The following CCDC88C variants were observed in gnomAD, a reference collection of about 807,000 sequenced individuals.
CCDC88C encodes the protein coiled-coil and HOOK domain protein 88C.
CCDC88C carries 131 observed loss-of-function variants against 198.8 expected under a neutral mutation model. The observed-to-expected ratio is 0.66, with a 90% confidence interval of 0.57 to 0.76. The LOEUF (loss-of-function observed/expected upper bound fraction) is 0.76. CCDC88C is among the 30% of genes least tolerant of loss of function. CCDC88C has a pLI of 0.00. For synonymous variants in CCDC88C, 1,166 were observed against 1,114.7 expected, an observed-to-expected ratio of 1.05 and a Z score of -0.92; for missense variants, 2,553 against 2,631.6, an observed-to-expected ratio of 0.97 and a Z score of 0.65.
At chr14:91,340,627 T>TGCCACAGGAGACAGGATCC in intron 6 of CCDC88C, among the ~76,000 whole-genome samples, 1 of 152,206 alleles carries the variant, frequency 6.6e-6, no homozygotes, top group South Asian at 2.1e-4. Context: ...CCCCCGGATC[T>TGCCACAGGAGACAGGATCC]GCCACAGGAG....
At chr14:91,330,731 G>C (rs1892789150) in intron 10 of CCDC88C, among the ~76,000 whole-genome samples, 1 of 152,150 alleles carries the variant, frequency 6.6e-6, no homozygotes, top group East Asian at 1.9e-4. Flanking sequence ...GGTGTGGAGG[G>C]AAAGACAATG....
At position 91,339,324 on chromosome 14, in the gene CCDC88C, C is replaced by T; in HGVS notation, c.763G>A (p.Glu255Lys). Residue 255 changes from glutamate (E) to lysine (K), a missense_variant, in exon 8 of 30, where the codon GAG becomes AAG. Glu to Lys is a moderately conservative substitution (Grantham distance 56). This residue lies in a region of CCDC88C where 1,260 missense variants were observed against 1,412.0 expected (regional missense o/e 0.89). Coordinates refer to ENST00000389857, the MANE Select transcript of CCDC88C (RefSeq NM_001080414.4). The surrounding 1 kb of genome is among the most constrained non-coding windows in gnomAD (Gnocchi z 5.8). ...AGCCTGGCCTTGGTGTCGGCCAGCT[C>T]TACGGCCAGGTGCTGCTTGTCTTCG... The part of the protein sequence containing the change: ...SSEDKQHLAV[E>K]LADTKARLRR... The T allele has an allele frequency of 6.2e-7, 1 of 1,613,664 alleles. No individual in the cohort carries two copies. The highest frequency in any genetic ancestry group is 8.5e-7 in the Non-Finnish European group (1 of 1,179,888).
chr14:91,278,057 G>A lies in CCDC88C; in HGVS notation c.4923C>T (p.Leu1641=). 2 of 1,610,800 alleles carry A rather than the reference G, an allele frequency of 1.2e-6. No individual in the cohort carries two copies. Among genetic ancestry groups the A allele is most frequent in the Non-Finnish European group, 1.7e-6 (2 of 1,178,702 alleles). The stretch of plus-strand genomic sequence containing the variant: ...CCCTCTTCTGGGCACCCTCCTGTGG[G>A]AGAGGCCCGTTCCGAGGCAAGGGGT... ...HEYPLPRNGP[L]PQEGAQKRGT... is the part of the protein sequence containing the mutation. Residue 1641 remains leucine, a synonymous_variant, in exon 29 of 30, where the codon CTC becomes CTT. Transcript: ENST00000389857.
chr14:91,284,518 A>C lies in CCDC88C; in HGVS notation c.4442-1001T>G, dbSNP rs1159301903. Among the ~76,000 whole-genome samples, 1 of 152,222 alleles carries C rather than the reference A, an allele frequency of 6.6e-6. No individual in the cohort carries two copies. Among genetic ancestry groups the C allele is most frequent in the Non-Finnish European group, 1.5e-5 (1 of 68,038 alleles). On this transcript the variant is annotated intron_variant, in intron 25 of 29. Coordinates refer to ENST00000389857, the MANE Select transcript of CCDC88C (RefSeq NM_001080414.4). The surrounding 1 kb of genome is among the most constrained non-coding windows in gnomAD (Gnocchi z 4.1). ...TCCTACAGGTGAAGCTAAAATGAGGATCCACAGGGGAGGCAGAGATGAGTG... is the reference window on the plus strand; with the variant it reads ...TCCTACAGGTGAAGCTAAAATGAGGCTCCACAGGGGAGGCAGAGATGAGTG...
intron 10 of CCDC88C, among the ~76,000 whole-genome samples, chr14:91,333,975 C>T (rs1266153503): frequency 6.6e-6 from 1 of 152,206 alleles, no homozygotes; most frequent in African/African-American, 2.4e-5. Context: ...TCCCGCTGAC[C>T]TTTTACTTGG....
At chr14:91,299,491 AC>A (rs1447117818) in intron 21 of CCDC88C, among the ~76,000 whole-genome samples, 1 of 151,988 alleles carries the variant, frequency 6.6e-6, no homozygotes, top group Non-Finnish European at 1.5e-5. Context: ...GCATTTCACC[AC>A]TCTGTGCGTG....
intron 3 of CCDC88C, among the ~76,000 whole-genome samples, chr14:91,407,312 A>G (rs986927561): frequency 1.3e-5 from 2 of 152,196 alleles, no homozygotes; most frequent in Non-Finnish European, 2.9e-5. Flanking sequence ...ACCACTGCAC[A>G]AGGGCAGAAG....
intron 3 of CCDC88C, 158 bp downstream of exon 3, chr14:91,408,501 A>G (rs985452551): frequency 1.1e-5 from 7 of 635,690 alleles, no homozygotes; most frequent in Non-Finnish European, 1.4e-5. Context: ...ATCCTCACAC[A>G]TGCCCCAACA....
rs1596183899 is a variant in CCDC88C at position 91,417,767 on chromosome 14, C to CGCAGCGA, written c.-84_-78dup. On this transcript the variant is annotated 5_prime_UTR_variant, in exon 1 of 30. Coordinates refer to ENST00000389857, the MANE Select transcript of CCDC88C (RefSeq NM_001080414.4). ...CCCGCGCCGCGGCACAAAACGGCTC[C>CGCAGCGA]GCAGCGAGCAGCGGGCGCGGGGCTG... 8.9e-7 allele frequency: 1 copy of CGCAGCGA among 1,127,508 alleles called. No homozygotes were observed. The highest frequency in any genetic ancestry group is 1.1e-6 in the Non-Finnish European group (1 of 881,302). 69.8% of individuals were successfully genotyped at this position (1,127,508 alleles called of 1,614,324 possible).
intron 10 of CCDC88C, among the ~76,000 whole-genome samples, chr14:91,337,574 C>G (rs1893102492): frequency 6.6e-6 from 1 of 152,248 alleles, no homozygotes; most frequent in Non-Finnish European, 1.5e-5. Flanking sequence ...CTCCTGGCCT[C>G]AAGCGATCCT....
At chr14:91,403,181 T>C (rs1886308972) in intron 3 of CCDC88C, among the ~76,000 whole-genome samples, 1 of 152,148 alleles carries the variant, frequency 6.6e-6, no homozygotes, top group Non-Finnish European at 1.5e-5. Context: ...GAGAGGCGCA[T>C]GAAGAAACAG....
intron 24 of CCDC88C, among the ~76,000 whole-genome samples, chr14:91,289,778 C>T (rs1890581669): frequency 6.6e-6 from 1 of 152,138 alleles, no homozygotes; most frequent in Non-Finnish European, 1.5e-5. Context: ...GGAGAGCAGG[C>T]TGTTTGATTA....
chr14:91,279,509 C>T, intron 27 of CCDC88C: 1 of 508,744 alleles, frequency 2.0e-6, no homozygotes, highest in South Asian at 2.9e-5. Flanking sequence ...ACAGCACAAG[C>T]AGCCATCAAC....
chr14:91,351,555 G>A (rs1281497096), intron 4 of CCDC88C, among the ~76,000 whole-genome samples: 2 of 152,228 alleles, frequency 1.3e-5, no homozygotes, highest in African/African-American at 2.4e-5. Flanking sequence ...CATGGGGAAG[G>A]AGGCAGGCAC....
chr14:91,343,527 G>A lies in CCDC88C; in HGVS notation c.399+72C>T, dbSNP rs990311642. 2.0e-5 allele frequency: 32 copies of A among 1,594,378 alleles called. No individual in the cohort carries two copies. In the East Asian group the frequency reaches 5.2e-4, roughly 26 times the overall value. On this transcript the variant is annotated intron_variant, in intron 5 of 29. Coordinates refer to ENST00000389857, the MANE Select transcript of CCDC88C (RefSeq NM_001080414.4). The stretch of plus-strand genomic sequence containing the variant: ...ATCCTCCCACCTAAGCTAAGGGCTC[G>A]GTCAAGTCCCGCAAACCCAATATGA...
At chr14:91,330,660 C>T (rs1247071569) in intron 10 of CCDC88C, among the ~76,000 whole-genome samples, 1 of 152,138 alleles carries the variant, frequency 6.6e-6, no homozygotes, top group Non-Finnish European at 1.5e-5. Context: ...ACCAAGGTGG[C>T]CCTGTGCTCT....
Position 91,339,301 on chromosome 14 carries a change from C to T in CCDC88C, c.786G>A (p.Arg262=). The T allele has an allele frequency of 6.2e-7, 1 of 1,613,156 alleles. No individual in the cohort carries two copies. The change falls in exon 8 of 30, where the codon AGG becomes AGA. Residue 262 remains arginine (R), a synonymous_variant. Coordinates refer to ENST00000389857, the MANE Select transcript of CCDC88C (RefSeq NM_001080414.4). This position sits in a 1 kb window ranked among gnomAD's most constrained non-coding sequence, Gnocchi z 5.8. ...ACAGCTCCTGCCTGACGCGCCGCAG[C>T]CTGGCCTTGGTGTCGGCCAGCTCTA... ...LAVELADTKA[R]LRRVRQELED...
chr14:91,299,938 G>GC lies in CCDC88C; in HGVS notation c.3767dup (p.Glu1257ArgfsTer66), dbSNP rs1567060068. 1 of 1,587,488 alleles carries GC rather than the reference G, an allele frequency of 6.3e-7. No homozygotes were observed. Among genetic ancestry groups the GC allele is most frequent in the Admixed American group, 1.8e-5 (1 of 57,066 alleles). ...GCGCCGGCGCTCACCTGTCCAGCTC[G>GC]CCCCGCAGCCTCTGGTTCTCGCCCA... On this transcript the variant is annotated frameshift_variant, in exon 21 of 30. Coordinates refer to ENST00000389857, the MANE Select transcript of CCDC88C (RefSeq NM_001080414.4). LOFTEE classifies it high-confidence loss of function.
chr14:91,306,006 A>T, intron 18 of CCDC88C, 80 bp from the exon 19 acceptor site: 2 of 1,469,506 alleles, frequency 1.4e-6, no homozygotes, highest in Non-Finnish European at 1.9e-6. Context: ...GGTTGTAACG[A>T]ACCCTCAAAA....
Sources: allele counts gnomAD v4.1 joint callset (sites outside exome capture counted in the v4.1 genomes callset), GRCh38; gene constraint gnomAD v4.1.1; regional missense constraint gnomAD v4.1.1; non-coding constraint Gnocchi (gnomAD v3.1); transcripts MANE v1.5; gene names NCBI Gene and HGNC (gene_info 2026-07-23, HGNC 2026-07-21).